The following GPC6 variants were observed in gnomAD, a reference collection of about 807,000 sequenced individuals.
The protein encoded by GPC6 is glypican 6.
In GPC6, 14 loss-of-function variants were observed where a neutral mutation model predicts 55.2. That is an observed-to-expected ratio of 0.25 (90% CI 0.17 to 0.40). The LOEUF is 0.40. Among genes scored for constraint, GPC6 ranks in the 10% least tolerant of loss-of-function variants. GPC6 has a pLI of 1.00. For synonymous variants in GPC6, 278 were observed against 259.6 expected (o/e 1.07, Z -0.68); for missense variants, 641 against 708.5 (o/e 0.90, Z 1.08).
At chr13:93,380,133 A>G (rs1875097290) in intron 1 of GPC6, among the ~76,000 whole-genome samples, 1 of 152,156 alleles carries the variant, frequency 6.6e-6, no homozygotes, top group African/African-American at 2.4e-5. Context: ...TATGCTTATC[A>G]AGATTAAAAG....
intron 4 of GPC6, among the ~76,000 whole-genome samples, chr13:94,257,912 A>G (rs1438053049): frequency 6.6e-6 from 1 of 152,182 alleles, no homozygotes; most frequent in Non-Finnish European, 1.5e-5. Context: ...GCATATAACC[A>G]CTACACTTCC....
chr13:94,164,237 T>C (rs1888269085), intron 4 of GPC6, among the ~76,000 whole-genome samples: 1 of 152,206 alleles, frequency 6.6e-6, no homozygotes, highest in Non-Finnish European at 1.5e-5. Flanking sequence ...GTTACTTACA[T>C]AGCACATTCC....
chr13:94,096,465 CT>C (rs1271303258), intron 4 of GPC6, among the ~76,000 whole-genome samples: 2 of 152,084 alleles, frequency 1.3e-5, no homozygotes, highest in African/African-American at 4.8e-5. Context: ...ATTTGAGAGG[CT>C]CTTTATTGTT....
intron 3 of GPC6, among the ~76,000 whole-genome samples, chr13:93,940,176 T>TA (rs1878660948): frequency 6.6e-6 from 1 of 152,202 alleles, no homozygotes; most frequent in African/African-American, 2.4e-5. Flanking sequence ...TTCTCCTTAG[T>TA]AATTATTAGT....
chr13:93,689,342 TAA>T (rs1332850944), intron 2 of GPC6, among the ~76,000 whole-genome samples: 1 of 152,138 alleles, frequency 6.6e-6, no homozygotes, highest in African/African-American at 2.4e-5. Flanking sequence ...TCAGTGAACT[TAA>T]AGTCTGTTTG....
chr13:93,453,166 C>T (rs1878291979), intron 1 of GPC6, among the ~76,000 whole-genome samples: 1 of 152,206 alleles, frequency 6.6e-6, no homozygotes. Flanking sequence ...TTATTAACTA[C>T]TGATGGCGTC....
At chr13:93,764,296 C>T (rs968031197) in intron 2 of GPC6, among the ~76,000 whole-genome samples, 21 of 145,574 alleles carry the variant, frequency 1.4e-4, no homozygotes, top group African/African-American at 5.5e-4. Flanking sequence ...GCAACAATAG[C>T]ATTTTTAGGA....
intron 2 of GPC6, among the ~76,000 whole-genome samples, chr13:93,751,002 G>A (rs1884561779): frequency 6.6e-6 from 1 of 152,046 alleles, no homozygotes. Context: ...AAGGAGGGAG[G>A]AAAGCAAGCA....
At chr13:93,827,894 T>TA (rs67134033) in intron 2 of GPC6, among the ~76,000 whole-genome samples, 28,667 of 150,238 alleles carry the variant, frequency 0.19, 3,445 homozygotes, top group Non-Finnish European at 0.26. Context: ...GAAGAAAAAA[T>TA]AAAAAAAAAC....
intron 1 of GPC6, among the ~76,000 whole-genome samples, chr13:93,240,633 A>G (rs941684496): frequency 2.0e-5 from 3 of 152,170 alleles, no homozygotes; most frequent in African/African-American, 7.2e-5. Flanking sequence ...TAGATCATTT[A>G]TATTCCAAGT....
intron 1 of GPC6, among the ~76,000 whole-genome samples, chr13:93,446,882 T>A (rs1343556383): frequency 1.3e-5 from 2 of 152,114 alleles, no homozygotes; most frequent in African/African-American, 4.8e-5. Context: ...TTGATAAGTT[T>A]CAGATTTATG....
intron 2 of GPC6, among the ~76,000 whole-genome samples, chr13:93,596,069 A>C (rs1278807608): frequency 1.5e-4 from 23 of 152,186 alleles, no homozygotes; most frequent in Admixed American, 1.5e-3. Flanking sequence ...CATGTCTATC[A>C]TACAGATATT....
chr13:93,719,300 T>C (rs1883364936), intron 2 of GPC6, among the ~76,000 whole-genome samples: 1 of 152,098 alleles, frequency 6.6e-6, no homozygotes, highest in African/African-American at 2.4e-5. Context: ...GTCCTTCACA[T>C]CCCTTGTCAG....
intron 1 of GPC6, among the ~76,000 whole-genome samples, chr13:93,530,701 A>G (rs1053672713): frequency 1.3e-5 from 2 of 152,326 alleles, no homozygotes; most frequent in East Asian, 3.9e-4. Context: ...CAATTAAATT[A>G]TGTTAAAATA....
At chr13:93,326,675 G>T (rs1485679110) in intron 1 of GPC6, among the ~76,000 whole-genome samples, 2 of 152,098 alleles carry the variant, frequency 1.3e-5, no homozygotes, top group African/African-American at 4.8e-5. Flanking sequence ...GACTTTGCTT[G>T]TGGCTGTCAA....
At chr13:93,527,086 G>GT (rs1051688822) in intron 1 of GPC6, among the ~76,000 whole-genome samples, 13 of 151,804 alleles carry the variant, frequency 8.6e-5, no homozygotes, top group African/African-American at 2.4e-4. Flanking sequence ...ATTATTTAGA[G>GT]TTTTTTTATA....
At chr13:94,089,271 G>T (rs1594727169) in intron 4 of GPC6, among the ~76,000 whole-genome samples, 1 of 152,326 alleles carries the variant, frequency 6.6e-6, no homozygotes, top group East Asian at 1.9e-4. Context: ...CTGAGAGAGA[G>T]ATGGATTAGG....
chr13:93,332,266 T>C (rs956092658), intron 1 of GPC6, among the ~76,000 whole-genome samples: 4 of 151,506 alleles, frequency 2.6e-5, no homozygotes, highest in Non-Finnish European at 5.9e-5. Context: ...TTTTTCTTTT[T>C]TTTTTTTTTT....
rs138039363 is a variant in GPC6 at position 93,443,561 on chromosome 13, A to G, written c.161-101702A>G. 7.7e-4 allele frequency among the ~76,000 whole-genome samples: 117 copies of G among 152,330 alleles called. 1 individual carries two copies. The East Asian group carries it at 0.02, about 27-fold the overall frequency. On this transcript the variant is annotated intron_variant, in intron 1 of 8. Coordinates refer to ENST00000377047, the MANE Select transcript of GPC6 (RefSeq NM_005708.5). ...TGCATAGCCCTTGAGAAGACCAGGCATATTCACAACATATTTAATGGAAGT... is the reference window on the plus strand; with the variant it reads ...TGCATAGCCCTTGAGAAGACCAGGCGTATTCACAACATATTTAATGGAAGT...
Sources: gnomAD v4.1 joint callset for allele counts (sites outside exome capture counted in the v4.1 genomes callset) on GRCh38, gnomAD v4.1.1 for gene constraint, MANE v1.5 for transcripts, NCBI Gene and HGNC (gene_info 2026-07-23, HGNC 2026-07-21) for gene names.